BLM: variants seen among roughly 807,000 people sequenced by gnomAD.
The protein encoded by BLM is recQ-like DNA helicase BLM.
Under a neutral mutation model 135.3 loss-of-function variants are expected in BLM, and 95 were observed. The observed-to-expected ratio is 0.70, with a 90% CI of 0.59 to 0.83. The LOEUF is 0.83. Among genes scored for constraint, BLM ranks in the 40% least tolerant of loss-of-function variants. The probability of loss-of-function intolerance (pLI) is 0.00; values close to 1 mark genes in which losing one functional copy is unlikely to be tolerated. For synonymous variants in BLM, 520 were observed against 589.2 expected (o/e 0.88, Z 1.70); for missense variants, 1,518 against 1,663.9 (o/e 0.91, Z 1.53).
intron 20 of BLM, among the ~76,000 whole-genome samples, chr15:90,810,281 AC>A (rs28385154): frequency 8.3e-4 from 126 of 152,086 alleles, no homozygotes; most frequent in African/African-American, 2.9e-3. Flanking sequence ...TCTTGAACTT[AC>A]GACCTCAAGT....
intron 1 of BLM, among the ~76,000 whole-genome samples, chr15:90,721,705 G>T (rs1202702406): frequency 6.6e-6 from 1 of 152,012 alleles, no homozygotes; most frequent in Non-Finnish European, 1.5e-5. Flanking sequence ...GGCCTAGGTG[G>T]GCGGATCATG....
At chr15:90,732,481 G>C (rs1053041472) in intron 1 of BLM, among the ~76,000 whole-genome samples, 1 of 151,382 alleles carries the variant, frequency 6.6e-6, no homozygotes, top group Non-Finnish European at 1.5e-5. Flanking sequence ...AAGCAGAAAG[G>C]CCCTTCCATC....
intron 5 of BLM, among the ~76,000 whole-genome samples, chr15:90,758,459 C>T (rs2151155543): frequency 6.6e-6 from 1 of 152,224 alleles, no homozygotes; most frequent in Admixed American, 6.5e-5. Context: ...TGCACTCCAG[C>T]CTGGAAGACA....
At chr15:90,779,491 A>G (rs1282484698) in intron 12 of BLM, among the ~76,000 whole-genome samples, 1 of 152,192 alleles carries the variant, frequency 6.6e-6, no homozygotes, top group Non-Finnish European at 1.5e-5. Flanking sequence ...ATGCATTTTA[A>G]GATTTTCTTC....
At chr15:90,734,443 A>G (rs1353603262) in intron 1 of BLM, among the ~76,000 whole-genome samples, 1 of 151,688 alleles carries the variant, frequency 6.6e-6, no homozygotes, top group East Asian at 1.9e-4. Context: ...GCCCACCACC[A>G]CACCTGGCTA....
chr15:90,790,912 A>G (rs971300437), intron 15 of BLM, 68 bp downstream of exon 15: 2 of 1,450,314 alleles, frequency 1.4e-6, no homozygotes, highest in Admixed American at 1.7e-5. Flanking sequence ...TACTCCTGCT[A>G]TTGTGGTACT....
rs1458936595 is a variant in BLM, at chr15:90,749,785, C to T, written c.517C>T (p.Pro173Ser). The stretch of plus-strand genomic sequence containing the variant: ...GACTTCAAAATCATTTGTTACACCA[C>T]CCCAAAGTCACTTTGTAAGAGTAAG... ...SETSKSFVTP[P>S]QSHFVRVSTA... is the part of the protein sequence containing the mutation. The change falls in exon 3 of 22, where the codon CCC becomes TCC. Residue 173 changes from proline to serine, a missense_variant. This residue lies in a region of BLM where 724 missense variants were observed against 756.9 expected (regional missense o/e 0.96). Transcript: ENST00000355112. The T allele has an allele frequency of 3.7e-6, 6 of 1,611,452 alleles. No individual in the cohort carries two copies. The highest frequency in any genetic ancestry group is 3.4e-6 in the Non-Finnish European group (4 of 1,178,632).
chr15:90,790,599 C>T, intron 14 of BLM, 50 bp from the exon 15 acceptor site: 2 of 1,536,260 alleles, frequency 1.3e-6, no homozygotes, highest in South Asian at 1.1e-5. Context: ...TGAAAATGTT[C>T]CTTCAAGTCT....
intron 1 of BLM, among the ~76,000 whole-genome samples, chr15:90,723,294 G>A (rs896973046): frequency 1.3e-5 from 2 of 149,666 alleles, no homozygotes; most frequent in African/African-American, 2.5e-5. Flanking sequence ...TCTAGTTTGC[G>A]TTATTATGTT....
At chr15:90,799,144 A>G (rs1266722278) in intron 17 of BLM, among the ~76,000 whole-genome samples, 3 of 151,552 alleles carry the variant, frequency 2.0e-5, no homozygotes, top group African/African-American at 7.3e-5. Context: ...CAGCCTGGCA[A>G]CAGAGTGAGA....
At chr15:90,743,136 G>C (rs1895412705) in intron 1 of BLM, among the ~76,000 whole-genome samples, 1 of 151,068 alleles carries the variant, frequency 6.6e-6, no homozygotes, top group African/African-American at 2.4e-5. Flanking sequence ...AGTTGGGACT[G>C]TAGGTGTGTG....
intron 12 of BLM, among the ~76,000 whole-genome samples, chr15:90,771,270 TA>T (rs1218706124): frequency 6.6e-6 from 1 of 152,198 alleles, no homozygotes; most frequent in Admixed American, 6.5e-5. Context: ...GTGGATCGCC[TA>T]AGGTCAGGAG....
chr15:90,769,153 C>CA lies in BLM; in HGVS notation c.2329dup (p.Ile777AsnfsTer9). 6.2e-7 allele frequency: 1 copy of CA among 1,612,896 alleles called. No homozygotes were observed. The highest frequency in any genetic ancestry group is 8.5e-7 in the Non-Finnish European group (1 of 1,178,820). On this transcript the variant is annotated frameshift_variant, in exon 11 of 22. Coordinates refer to ENST00000355112, the MANE Select transcript of BLM (RefSeq NM_000057.4). LOFTEE classifies it high-confidence loss of function. The stretch of plus-strand genomic sequence containing the variant: ...CCTAGATCTGTGCAAGTAACAGACT[C>CA]ATTTCTACTCTGGAGAATCTCTATG...
At chr15:90,761,354 C>T in intron 7 of BLM, 99 bp downstream of exon 7, 2 of 973,314 alleles carry the variant, frequency 2.1e-6, no homozygotes, top group Non-Finnish European at 1.4e-6. Flanking sequence ...TGCCTGAAAA[C>T]ATTGTTGCTA....
chr15:90,813,786 C>T (rs1293796065), intron 21 of BLM, among the ~76,000 whole-genome samples: 1 of 152,172 alleles, frequency 6.6e-6, no homozygotes, highest in East Asian at 1.9e-4. Flanking sequence ...ACTCTCCTTT[C>T]CACCGACCCA....
chr15:90,728,728 A>G (rs200714910), intron 1 of BLM, among the ~76,000 whole-genome samples: 1 of 152,150 alleles, frequency 6.6e-6, no homozygotes, highest in African/African-American at 2.4e-5. Context: ...TTTTGATGTC[A>G]TCTTAAAAAG....
At chr15:90,804,094 C>A in intron 18 of BLM, 73 bp from the exon 19 acceptor site, 1 of 1,391,164 alleles carries the variant, frequency 7.2e-7, no homozygotes, top group Non-Finnish European at 1.0e-6. Flanking sequence ...TGCAATTAAG[C>A]ATTAAATAAA....
intron 12 of BLM, among the ~76,000 whole-genome samples, chr15:90,779,429 A>T (rs1041783103): frequency 2.0e-5 from 3 of 152,198 alleles, no homozygotes; most frequent in Non-Finnish European, 2.9e-5. Flanking sequence ...TAGCATTCCT[A>T]TCGGTGGAGA....
chr15:90,812,487 C>A (rs1402728547), intron 21 of BLM, among the ~76,000 whole-genome samples: 1 of 152,174 alleles, frequency 6.6e-6, no homozygotes, highest in East Asian at 1.9e-4. Context: ...TGCATTGTTT[C>A]TGACAGCCGC....
Sources: allele counts gnomAD v4.1 joint callset (sites outside exome capture counted in the v4.1 genomes callset), GRCh38; gene constraint gnomAD v4.1.1; regional missense constraint gnomAD v4.1.1; transcripts MANE v1.5; gene names NCBI Gene and HGNC (gene_info 2026-07-23, HGNC 2026-07-21).